Variants in PTPRU observed in about 807,000 individuals in gnomAD.
PTPRU encodes the protein receptor-type tyrosine-protein phosphatase U.
A neutral mutation model predicts 166.3 loss-of-function variants in PTPRU; 69 were observed. That is an observed-to-expected ratio of 0.41 (90% CI 0.34 to 0.51). PTPRU has a LOEUF of 0.51. Among genes scored for constraint, PTPRU ranks in the 20% least tolerant of loss-of-function variants. The pLI, the probability that PTPRU is intolerant of heterozygous loss-of-function variation, is 0.09. For missense variants in PTPRU, 1,657 were observed against 2,013.7 expected (o/e 0.82, Z 3.39); for synonymous variants, 793 against 814.0 (o/e 0.97, Z 0.44).
At chr1:29,314,394 C>T (rs890377473) in intron 22 of PTPRU, among the ~76,000 whole-genome samples, 3 of 152,108 alleles carry the variant, frequency 2.0e-5, no homozygotes, top group East Asian at 1.9e-4. Context: ...TGTATGTCCT[C>T]GCTAGCACGT....
chr1:29,314,873 C>T (rs1384394570), intron 22 of PTPRU, among the ~76,000 whole-genome samples: 1 of 152,178 alleles, frequency 6.6e-6, no homozygotes, highest in African/African-American at 2.4e-5. Flanking sequence ...GCCACCGTGC[C>T]TGGCCACGAA....
chr1:29,291,369 A>AG lies in PTPRU; in HGVS notation c.2319-496dup, dbSNP rs1490321458. On this transcript the variant is annotated intron_variant, in intron 14 of 29. Coordinates refer to ENST00000373779, the MANE Select transcript of PTPRU (RefSeq NM_133178.4). This position sits in a 1 kb window ranked among gnomAD's most constrained non-coding sequence, Gnocchi z 4.1. ...CAAGCTAGACTCTCTGCGGGGAAGG[A>AG]GGGGTGTAGTCCCTCCTTCCTGCAG... 1.3e-5 allele frequency among the ~76,000 whole-genome samples: 2 copies of AG among 149,746 alleles called. No homozygotes were observed. The highest frequency in any genetic ancestry group is 5.1e-5 in the African/African-American group (2 of 39,384).
chr1:29,309,425 C>A (rs1373339197), intron 18 of PTPRU, among the ~76,000 whole-genome samples: 1 of 152,182 alleles, frequency 6.6e-6, no homozygotes, highest in African/African-American at 2.4e-5. Flanking sequence ...GTCCATTCAA[C>A]TCCAAGACTC....
intron 12 of PTPRU, 60 bp downstream of exon 12, chr1:29,283,009 A>G: frequency 6.3e-7 from 1 of 1,587,424 alleles, no homozygotes; most frequent in Admixed American, 1.7e-5. Flanking sequence ...GGCAGACAGG[A>G]GATACCTTGG....
chr1:29,253,392 T>C (rs1354911089), intron 1 of PTPRU, among the ~76,000 whole-genome samples: 1 of 152,092 alleles, frequency 6.6e-6, no homozygotes, highest in East Asian at 1.9e-4. Flanking sequence ...CTCTAGGGTA[T>C]GGGGCAGGAC....
At chr1:29,322,908 G>A (rs780957142) in intron 26 of PTPRU, among the ~76,000 whole-genome samples, 28 of 151,988 alleles carry the variant, frequency 1.8e-4, no homozygotes, top group African/African-American at 6.3e-4. Flanking sequence ...TGGGGCAGAA[G>A]TGGGGGTACT....
At position 29,255,324 on chromosome 1, in the gene PTPRU, C is replaced by G; in HGVS notation, c.123C>G (p.Tyr41Ter). Reference sequence around the variant, plus strand: ...GTGACCCAGCAGTGCCCTGCGAGTACAGCCAGGCCCAGTACGATGACTTCC... The same window carrying G: ...GTGACCCAGCAGTGCCCTGCGAGTAGAGCCAGGCCCAGTACGATGACTTCC... ...EASDPAVPCE[Y>*]SQAQYDDFQW... Residue 41 changes from tyrosine to a stop codon, truncating the protein, a stop_gained, in exon 2 of 30, where the codon TAC becomes TAG. Coordinates refer to ENST00000373779, the MANE Select transcript of PTPRU (RefSeq NM_133178.4). LOFTEE classifies it high-confidence loss of function. The G allele has an allele frequency of 6.2e-7, 1 of 1,614,164 alleles. No homozygotes were observed. Among genetic ancestry groups the G allele is most frequent in the Non-Finnish European group, 8.5e-7 (1 of 1,180,018 alleles).
Position 29,311,685 on chromosome 1 carries a change from G to A in PTPRU, c.2998G>A (p.Gly1000Arg), listed in dbSNP as rs374948381. ...RYWPEDSDTY[G>R]DIKIMLVKTE... Reference sequence around the variant, plus strand: ...CTGGCCGGAGGACTCAGACACCTACGGGGACATCAAGATTATGCTGGTGAA... The same window carrying A: ...CTGGCCGGAGGACTCAGACACCTACAGGGACATCAAGATTATGCTGGTGAA... The change falls in exon 21 of 30, where the codon GGG (glycine) becomes AGG (arginine). Residue 1000 changes from glycine (G) to arginine (R), a missense_variant. Physicochemically the swap from Gly to Arg is moderately radical, Grantham distance 125 (BLOSUM62 -2). Coordinates refer to ENST00000373779, the MANE Select transcript of PTPRU (RefSeq NM_133178.4). The surrounding 1 kb of genome is among the most constrained non-coding windows in gnomAD (Gnocchi z 4.1). 6.8e-6 allele frequency: 11 copies of A among 1,614,186 alleles called. No homozygotes were observed. The highest frequency in any genetic ancestry group is 4.0e-5 in the African/African-American group (3 of 75,042).
chr1:29,277,803 C>CT lies in PTPRU; in HGVS notation c.1454-1176dup, dbSNP rs71586898. On this transcript the variant is annotated intron_variant, in intron 8 of 29. Transcript: ENST00000373779. Reference sequence around the variant, plus strand: ...ACCATCTGGCTTCACAGTTGTCATTCTTTTTTTTTTTTTTTTTTTTTTTTT... The same window carrying CT: ...ACCATCTGGCTTCACAGTTGTCATTCTTTTTTTTTTTTTTTTTTTTTTTTTT... 5.4e-3 allele frequency among the ~76,000 whole-genome samples: 271 copies of CT among 50,576 alleles called. 26 individuals are homozygous for CT. The highest frequency in any genetic ancestry group is 8.3e-3 in the African/African-American group (91 of 10,910). The allele number at this position is 50,576 out of a possible 152,430, so 33.2% of individuals were successfully genotyped here. A position where few individuals can be genotyped will look rare whatever the true frequency, so the allele number is the denominator to read the frequency against.
chr1:29,284,681 G>T (rs762930709), intron 13 of PTPRU, 50 bp from the exon 14 acceptor site: 2 of 1,613,602 alleles, frequency 1.2e-6, no homozygotes, highest in South Asian at 2.2e-5. Context: ...GGAGGGGCTC[G>T]ATGGTCCCTG....
chr1:29,277,223 C>T (rs1261691548), intron 8 of PTPRU, among the ~76,000 whole-genome samples: 1 of 152,202 alleles, frequency 6.6e-6, no homozygotes, highest in Non-Finnish European at 1.5e-5. Context: ...GCCTCAGCCT[C>T]CTGAGTAGCT....
chr1:29,245,668 A>G (rs944588758), intron 1 of PTPRU, among the ~76,000 whole-genome samples: 2 of 143,730 alleles, frequency 1.4e-5, no homozygotes, highest in African/African-American at 5.4e-5. Flanking sequence ...CCATCCTGCC[A>G]TGATCCTGCC....
At chr1:29,263,860 T>A (rs899089785) in intron 7 of PTPRU, among the ~76,000 whole-genome samples, 1 of 152,130 alleles carries the variant, frequency 6.6e-6, no homozygotes, top group African/African-American at 2.4e-5. Context: ...TTTTTATTAT[T>A]GAGTTGTAAG....
Position 29,317,691 on chromosome 1 carries a change from G to T in PTPRU, c.3514-57G>T. 1 of 1,505,998 alleles carries T rather than the reference G, an allele frequency of 6.6e-7. No homozygotes were observed. Among genetic ancestry groups the T allele is most frequent in the Non-Finnish European group, 9.0e-7 (1 of 1,114,866 alleles). The allele number at this position is 1,505,998 out of a possible 1,614,324, so 93.3% of individuals were successfully genotyped here. ...AGTCCAGCCTCCTTCATGGGGATGT[G>T]AGGAGGCCCAGCAAGCCCTGGACGT... On this transcript the variant is annotated intron_variant, in intron 24 of 29. Transcript: ENST00000373779. The surrounding 1 kb of genome is among the most constrained non-coding windows in gnomAD (Gnocchi z 5.6).
intron 18 of PTPRU, chr1:29,307,000 G>T: frequency 9.5e-7 from 1 of 1,049,996 alleles, no homozygotes; most frequent in South Asian, 1.4e-5. Flanking sequence ...CGGCCTGCCC[G>T]TCTCCGCTCT....
chr1:29,249,542 T>C (rs1684456091), intron 1 of PTPRU, among the ~76,000 whole-genome samples: 1 of 152,224 alleles, frequency 6.6e-6, no homozygotes, highest in Non-Finnish European at 1.5e-5. Flanking sequence ...AGTCTGAGGC[T>C]GCATCCCCAG....
In PTPRU at chr1:29,320,521, G is replaced by T; in HGVS notation, c.3688-164G>T. ...GCCCACCCTGTCAACCCAGGCCTCA[G>T]TGTGCCAACCAACATCAGAAATGGC... On this transcript the variant is annotated intron_variant, in intron 25 of 29. Transcript: ENST00000373779. This position sits in a 1 kb window ranked among gnomAD's most constrained non-coding sequence, Gnocchi z 5.2. The T allele has an allele frequency of 1.3e-6, 1 of 758,668 alleles. No individual in the cohort carries two copies. 47.0% of individuals were successfully genotyped at this position (758,668 alleles called of 1,614,324 possible).
In PTPRU at chr1:29,259,872, G is replaced by T. The variant is rs960700973; in HGVS notation, c.678G>T (p.Arg226=). 10 of 1,529,710 alleles carry T rather than the reference G, an allele frequency of 6.5e-6. No individual in the cohort carries two copies. The East Asian group carries it at 2.0e-4, about 30-fold the overall frequency. 94.8% of individuals were successfully genotyped at this position (1,529,710 alleles called of 1,614,324 possible). Residue 226 remains arginine (R), a splice_region_variant and synonymous_variant, in exon 6 of 30, where the codon CGG becomes CGT. Coordinates refer to ENST00000373779, the MANE Select transcript of PTPRU (RefSeq NM_133178.4). ...CCCCCTCACTCTCTTCCCTGCAGCG[G>T]CAGAGCGGGGCGCTGGTGCCGGCGG... is the stretch of plus-strand genomic sequence containing the variant. The part of the protein sequence containing the change: ...AAEAERFLLQ[R]QSGALVPAAG...
Position 29,259,250 on chromosome 1 carries a change from G to A in PTPRU, c.478-11G>A. ...ATATCAGTATGATAGGGGCCCTCCCGCCTCCCCCAGGTGCTGTTTGAGGCC... is the reference window on the plus strand; with the variant it reads ...ATATCAGTATGATAGGGGCCCTCCCACCTCCCCCAGGTGCTGTTTGAGGCC... On this transcript the variant is annotated splice_polypyrimidine_tract_variant and intron_variant, in intron 3 of 29. Transcript: ENST00000373779. The A allele has an allele frequency of 2.5e-6, 4 of 1,609,970 alleles. No individual in the cohort carries two copies. The highest frequency in any genetic ancestry group is 1.3e-5 in the African/African-American group (1 of 74,874).
Sources: allele counts gnomAD v4.1 joint callset (sites outside exome capture counted in the v4.1 genomes callset), GRCh38; gene constraint gnomAD v4.1.1; non-coding constraint Gnocchi (gnomAD v3.1); transcripts MANE v1.5; gene names NCBI Gene and HGNC (gene_info 2026-07-23, HGNC 2026-07-21).